MMP8: variants seen among roughly 807,000 people sequenced by gnomAD.
MMP8 encodes neutrophil collagenase.
In MMP8, 67 loss-of-function variants were observed where a neutral mutation model predicts 51.2. The observed-to-expected ratio is 1.31, with a 90% CI of 1.08 to 1.60. The LOEUF (loss-of-function observed/expected upper bound fraction) is 1.60, where lower values mean the gene tolerates loss of function less well. MMP8 is among the 40% of genes most tolerant of loss of function. The pLI, the probability that MMP8 is intolerant of heterozygous loss-of-function variation, is 0.00. For missense variants in MMP8, 654 were observed against 558.1 expected (o/e 1.17, Z -1.73); for synonymous variants, 225 against 191.0 (o/e 1.18, Z -1.47).
In MMP8 at chr11:102,724,735, T is replaced by C. The variant is rs1436674200; in HGVS notation, c.102+19A>G. The C allele has an allele frequency of 8.9e-6, 14 of 1,576,896 alleles. No individual in the cohort carries two copies. Among genetic ancestry groups the C allele is most frequent in the Non-Finnish European group, 1.2e-5 (14 of 1,156,712 alleles). ...AATAATCAGCAAATCAAACATCACC[T>C]AACTGATAGTTCATTTACCTGAACA... is the stretch of plus-strand genomic sequence containing the variant. On this transcript the variant is annotated intron_variant, in intron 1 of 9. Coordinates refer to ENST00000236826, the MANE Select transcript of MMP8 (RefSeq NM_002424.3).
At chr11:102,719,204 A>G (rs888660130) in intron 4 of MMP8, among the ~76,000 whole-genome samples, 1 of 152,084 alleles carries the variant, frequency 6.6e-6, no homozygotes, top group Non-Finnish European at 1.5e-5. Context: ...ACAACTGGAG[A>G]CTTAAAACCT....
In MMP8 at chr11:102,722,588, A is replaced by G. The variant is rs769104264; in HGVS notation, c.188T>C (p.Leu63Pro). 6.2e-7 allele frequency: 1 copy of G among 1,613,932 alleles called. No individual in the cohort carries two copies. The highest frequency in any genetic ancestry group is 1.1e-5 in the South Asian group (1 of 91,084). ...KNGTNVIVEK[L>P]KEMQRFFGLN... Reference sequence around the variant, plus strand: ...CCCAAAAAATCGCTGCATTTCTTTAAGCTTTTCAACGATCACATTAGTGCC... The same window carrying G: ...CCCAAAAAATCGCTGCATTTCTTTAGGCTTTTCAACGATCACATTAGTGCC... The change falls in exon 2 of 10, where the codon CTT (leucine) becomes CCT (proline). Residue 63 changes from leucine to proline, a missense_variant. Leu to Pro is a moderately conservative substitution (Grantham distance 98, BLOSUM62 -3). Coordinates refer to ENST00000236826, the MANE Select transcript of MMP8 (RefSeq NM_002424.3).
At position 102,712,613 on chromosome 11, in the gene MMP8, C is replaced by G. The variant is rs531254013; in HGVS notation, c.*735G>C. On this transcript the variant is annotated 3_prime_UTR_variant, in exon 10 of 10. Coordinates refer to ENST00000236826, the MANE Select transcript of MMP8 (RefSeq NM_002424.3). ...CTTGGAATTCCTTGGCTTGGAGATGCGTCACTCCAATCTCTGCCTCTGTCT... is the reference window on the plus strand; with the variant it reads ...CTTGGAATTCCTTGGCTTGGAGATGGGTCACTCCAATCTCTGCCTCTGTCT... The G allele has an allele frequency of 6.6e-6, 1 of 152,250 alleles. No homozygotes were observed. Among genetic ancestry groups the G allele is most frequent in the Non-Finnish European group, 1.5e-5 (1 of 68,112 alleles). 9.4% of individuals were successfully genotyped at this position (152,250 alleles called of 1,614,324 possible). A position where few individuals can be genotyped will look rare whatever the true frequency, so the allele number is the denominator to read the frequency against.
rs3832755 is a variant in MMP8 at position 102,713,735 on chromosome 11, G to GTT, written c.1294+17_1294+18dup. 0.038 allele frequency: 54,495 copies of GTT among 1,445,500 alleles called. 593 individuals carry two copies. Among genetic ancestry groups the GTT allele is most frequent in the Non-Finnish European group, 0.041 (43,166 of 1,056,424 alleles). 89.5% of individuals were successfully genotyped at this position (1,445,500 alleles called of 1,614,324 possible). ...AACAAACAAACAACACATTTATTAG[G>GTT]TTTTTTTTTCCTACTTACGTTCTTG... On this transcript the variant is annotated intron_variant, in intron 9 of 9. Transcript: ENST00000236826.
intron 1 of MMP8, chr11:102,723,707 A>G (rs1197817930): frequency 6.6e-6 from 2 of 303,098 alleles, no homozygotes; most frequent in South Asian, 2.8e-5. Context: ...CCAGTCACAC[A>G]AGAGTGTCAT....
chr11:102,714,263 A>C (rs1441366910), intron 8 of MMP8, among the ~76,000 whole-genome samples: 1 of 152,222 alleles, frequency 6.6e-6, no homozygotes, highest in Non-Finnish European at 1.5e-5. Flanking sequence ...TGAACTCATA[A>C]GTGAGAATTA....
At chr11:102,717,124 A>G (rs983548951) in intron 5 of MMP8, among the ~76,000 whole-genome samples, 7 of 152,124 alleles carry the variant, frequency 4.6e-5, no homozygotes, top group Admixed American at 3.3e-4. Flanking sequence ...GCTTTCCCCA[A>G]TTCCACTCCA....
At chr11:102,719,659 T>C (rs982450980) in intron 4 of MMP8, among the ~76,000 whole-genome samples, 2 of 152,210 alleles carry the variant, frequency 1.3e-5, no homozygotes, top group Admixed American at 6.5e-5. Flanking sequence ...CTACCCATGC[T>C]CTAAGAATTG....
At chr11:102,717,781 T>C (rs898015206) in intron 5 of MMP8, among the ~76,000 whole-genome samples, 4 of 152,214 alleles carry the variant, frequency 2.6e-5, no homozygotes, top group African/African-American at 4.8e-5. Context: ...AGGATTGCTG[T>C]AGGAAAAAGA....
Position 102,713,380 on chromosome 11 carries a change from C to T in MMP8, c.1372G>A (p.Gly458Ser), listed in dbSNP as rs767992289. The change falls in exon 10 of 10, where the codon GGC becomes AGC. Residue 458 changes from glycine to serine, a missense_variant. Physicochemically the swap from Gly to Ser is moderately conservative, Grantham distance 56 (BLOSUM62 0). Transcript: ENST00000236826. ...IAQRVTRVAR[G>S]NKWLNCRYG ...TATCTACAGTTAAGCCATTTATTGC[C>T]TCTTGCAACTCTGGTAACTCTCTGA... The T allele has an allele frequency of 1.2e-6, 2 of 1,613,562 alleles. No individual in the cohort carries two copies. The highest frequency in any genetic ancestry group is 1.7e-6 in the Non-Finnish European group (2 of 1,179,602).
At chr11:102,713,647 C>T in intron 9 of MMP8, 107 bp downstream of exon 9, 1 of 1,105,626 alleles carries the variant, frequency 9.0e-7, no homozygotes, top group Non-Finnish European at 1.3e-6. Flanking sequence ...GGGAGGATTG[C>T]TTGAGGCCAG....
intron 5 of MMP8, 88 bp downstream of exon 5, chr11:102,718,326 G>C: frequency 7.4e-7 from 1 of 1,350,310 alleles, no homozygotes; most frequent in Non-Finnish European, 1.0e-6. Flanking sequence ...AACTGCAGAA[G>C]TGCAAAGGAA....
chr11:102,717,258 C>G (rs1456395429), intron 5 of MMP8, among the ~76,000 whole-genome samples: 1 of 152,112 alleles, frequency 6.6e-6, no homozygotes, highest in Non-Finnish European at 1.5e-5. Flanking sequence ...AACTAGGGAA[C>G]AGAAGGGCAA....
intron 2 of MMP8, among the ~76,000 whole-genome samples, chr11:102,722,212 T>C (rs991432794): frequency 2.6e-5 from 4 of 152,056 alleles, no homozygotes; most frequent in African/African-American, 9.7e-5. Flanking sequence ...CCTCTTTAGA[T>C]TGTTGGAGAA....
In MMP8 at chr11:102,713,107, A is replaced by T. The variant is rs1489331057; in HGVS notation, c.*241T>A. 2.6e-6 allele frequency: 1 copy of T among 382,534 alleles called. No individual in the cohort carries two copies. The highest frequency in any genetic ancestry group is 2.1e-5 in the African/African-American group (1 of 47,738). 23.7% of individuals were successfully genotyped at this position (382,534 alleles called of 1,614,324 possible). A position where few individuals can be genotyped will look rare whatever the true frequency, so the allele number is the denominator to read the frequency against. ...AAATATTGAGGTGACAAAAAGGCTT[A>T]CTTTCCTTCTCTTTGATGGAATCAC... On this transcript the variant is annotated 3_prime_UTR_variant, in exon 10 of 10. Coordinates refer to ENST00000236826, the MANE Select transcript of MMP8 (RefSeq NM_002424.3).
At position 102,722,507 on chromosome 11, in the gene MMP8, C is replaced by A. The variant is rs772560267; in HGVS notation, c.269G>T (p.Arg90Leu). 1 of 1,613,960 alleles carries A rather than the reference C, an allele frequency of 6.2e-7. No individual in the cohort carries two copies. The highest frequency in any genetic ancestry group is 8.5e-7 in the Non-Finnish European group (1 of 1,179,860). ...ACCACCACTGTCAGGCACTCCACAG[C>A]GAGGCTTTTTCATCATGTCCAGAGT... The part of the protein sequence containing the change: ...EETLDMMKKP[R>L]CGVPDSGGFM... The change falls in exon 2 of 10, where the codon CGC becomes CTC. Residue 90 changes from arginine to leucine, a missense_variant. Transcript: ENST00000236826.
Position 102,721,409 on chromosome 11 carries a change from G to T in MMP8, c.614C>A (p.Thr205Asn). The T allele has an allele frequency of 6.2e-7, 1 of 1,613,678 alleles. No individual in the cohort carries two copies. Among genetic ancestry groups the T allele is most frequent in the Non-Finnish European group, 8.5e-7 (1 of 1,179,762 alleles). The change falls in exon 4 of 10, where the codon ACC becomes AAC. Residue 205 changes from threonine (T) to asparagine (N), a missense_variant. Coordinates refer to ENST00000236826, the MANE Select transcript of MMP8 (RefSeq NM_002424.3). ...AATCTTGATTAACTTACTTGCGGAG[G>T]TGTTGGTCCATGTTTCTTCGGCATC... ...HFDAEETWTNTSANYNLFLVA... is the reference protein window; with the variant it reads ...HFDAEETWTNNSANYNLFLVA...
chr11:102,715,388 TA>T lies in MMP8; in HGVS notation c.951del (p.Phe317LeufsTer36). On this transcript the variant is annotated frameshift_variant, in exon 7 of 10. Coordinates refer to ENST00000236826, the MANE Select transcript of MMP8 (RefSeq NM_002424.3). LOFTEE classifies it high-confidence loss of function. Reference sequence around the variant, plus strand: ...GGAAGGGATGGCCAGAATAGAGAAATAAAATTCATTTCGACTCTTTGTAGCT... The same window carrying T: ...GGAAGGGATGGCCAGAATAGAGAAATAAATTCATTTCGACTCTTTGTAGCT... ...HPQLQRVEMN[F>X]ISLFWPSLPT... 1 of 1,613,626 alleles carries T rather than the reference TA, an allele frequency of 6.2e-7. No homozygotes were observed. Among genetic ancestry groups the T allele is most frequent in the Non-Finnish European group, 8.5e-7 (1 of 1,179,764 alleles).
At chr11:102,715,466 A>C (rs1415296840) in intron 6 of MMP8, 29 bp from the exon 7 acceptor site, 1 of 1,599,950 alleles carries the variant, frequency 6.3e-7, no homozygotes, top group Non-Finnish European at 8.5e-7. Flanking sequence ...ACACACACAC[A>C]CACTTATACA....
Sources: allele counts gnomAD v4.1 joint callset (sites outside exome capture counted in the v4.1 genomes callset), GRCh38; gene constraint gnomAD v4.1.1; transcripts MANE v1.5; gene names NCBI Gene and HGNC (gene_info 2026-07-23, HGNC 2026-07-21).